The following DCC variants were observed in gnomAD, a reference collection of about 807,000 sequenced individuals.
DCC encodes the protein netrin receptor DCC.
DCC carries 58 observed loss-of-function variants against 172.5 expected under a neutral mutation model. That is an observed-to-expected ratio of 0.34 (90% confidence interval 0.27 to 0.42). The LOEUF (loss-of-function observed/expected upper bound fraction) is 0.42. DCC is among the 10% of genes least tolerant of loss of function. DCC has a pLI of 1.00. For missense variants in DCC, 1,740 were observed against 1,791.0 expected (o/e 0.97, Z 0.51); for synonymous variants, 709 against 644.5 (o/e 1.10, Z -1.52).
chr18:53,473,320 T>C (rs1162005514), intron 25 of DCC, among the ~76,000 whole-genome samples: 1 of 152,220 alleles, frequency 6.6e-6, no homozygotes, highest in East Asian at 1.9e-4. Context: ...TTTTATTGTT[T>C]AATACCTAGC....
chr18:53,222,591 T>G (rs924005478), intron 12 of DCC, among the ~76,000 whole-genome samples: 1 of 151,876 alleles, frequency 6.6e-6, no homozygotes, highest in South Asian at 2.1e-4. Context: ...TTTCACCATA[T>G]TGTCCAGGCT....
intron 1 of DCC, among the ~76,000 whole-genome samples, chr18:52,402,362 T>C (rs1009176023): frequency 2.0e-5 from 3 of 152,106 alleles, no homozygotes; most frequent in African/African-American, 7.2e-5. Flanking sequence ...TGTGTAGACA[T>C]GGGCCTCTAT....
At chr18:52,547,309 A>G (rs1174310664) in intron 1 of DCC, among the ~76,000 whole-genome samples, 2 of 152,172 alleles carry the variant, frequency 1.3e-5, no homozygotes, top group Non-Finnish European at 2.9e-5. Context: ...AAATGTTGTT[A>G]CCTTGCCTTG....
At chr18:53,065,474 T>C (rs2042552540) in intron 6 of DCC, among the ~76,000 whole-genome samples, 1 of 152,132 alleles carries the variant, frequency 6.6e-6, no homozygotes, top group South Asian at 2.1e-4. Flanking sequence ...AAGAACCACA[T>C]GGGTGTAAAA....
chr18:53,457,939 C>T (rs1306684390), intron 23 of DCC, among the ~76,000 whole-genome samples: 1 of 152,054 alleles, frequency 6.6e-6, no homozygotes. Flanking sequence ...CAAATTACAC[C>T]ACCAAATATT....
chr18:53,233,828 G>T (rs2144621207), intron 12 of DCC, among the ~76,000 whole-genome samples: 1 of 152,244 alleles, frequency 6.6e-6, no homozygotes, highest in African/African-American at 2.4e-5. Context: ...AAATGTATTG[G>T]CCAGGCCAGG....
intron 15 of DCC, among the ~76,000 whole-genome samples, chr18:53,381,258 A>G (rs1312874909): frequency 3.4e-5 from 5 of 147,648 alleles, no homozygotes; most frequent in Non-Finnish European, 7.6e-5. Context: ...ATACACCCTG[A>G]AAGACTGAAA....
At chr18:52,552,964 T>C (rs963780644) in intron 1 of DCC, among the ~76,000 whole-genome samples, 12 of 152,102 alleles carry the variant, frequency 7.9e-5, no homozygotes, top group Non-Finnish European at 1.0e-4. Flanking sequence ...AGGAAAATCA[T>C]ATGCAGTTTC....
chr18:52,754,095 G>A (rs2037040075), intron 2 of DCC: 1 of 152,064 alleles, frequency 6.6e-6, no homozygotes, highest in African/African-American at 2.4e-5. Flanking sequence ...ACTTAGTCTA[G>A]TCTCATCTTG....
At chr18:52,861,688 G>A (rs2039144946) in intron 2 of DCC, among the ~76,000 whole-genome samples, 1 of 152,134 alleles carries the variant, frequency 6.6e-6, no homozygotes, top group African/African-American at 2.4e-5. Flanking sequence ...TAAGTCCTAT[G>A]TCAGTTCAGG....
chr18:52,969,267 G>T (rs894696562), intron 5 of DCC, among the ~76,000 whole-genome samples: 1 of 151,914 alleles, frequency 6.6e-6, no homozygotes, highest in African/African-American at 2.4e-5. Flanking sequence ...TTTTCCTCTG[G>T]TTGTCCTATG....
intron 1 of DCC, among the ~76,000 whole-genome samples, chr18:52,570,574 G>C (rs17755344): frequency 0.02 from 3,074 of 152,236 alleles, 109 homozygotes; most frequent in East Asian, 0.096. Context: ...AATTTTTAGG[G>C]AATATCAAAA....
chr18:53,284,324 C>G (rs1200881419), intron 12 of DCC, among the ~76,000 whole-genome samples: 1 of 152,126 alleles, frequency 6.6e-6, no homozygotes, highest in African/African-American at 2.4e-5. Flanking sequence ...AATTGTAACT[C>G]CCACAATCCC....
intron 21 of DCC, among the ~76,000 whole-genome samples, chr18:53,433,179 C>T (rs953728944): frequency 1.3e-5 from 2 of 152,080 alleles, no homozygotes; most frequent in Non-Finnish European, 1.5e-5. Flanking sequence ...CTTTATCTCA[C>T]CCAGCGCTTT....
At chr18:52,659,718 T>C (rs2035320925) in intron 1 of DCC, among the ~76,000 whole-genome samples, 1 of 152,174 alleles carries the variant, frequency 6.6e-6, no homozygotes, top group East Asian at 1.9e-4. Context: ...CTGAACCCAA[T>C]ACATTTTTTG....
chr18:53,063,355 A>G lies in DCC; in HGVS notation c.1036A>G (p.Met346Val). ...TTCCAACCTGTATGCCTATGAAAGC[A>G]TGGATATTGAGTTTGAATGTACAGT... ...HPSNLYAYES[M>V]DIEFECTVSG... Residue 346 changes from methionine (M) to valine (V), a missense_variant, in exon 6 of 29, where the codon ATG (methionine) becomes GTG (valine). This residue lies in a region of DCC where 1,732 missense variants were observed against 1,767.4 expected (regional missense o/e 0.98). Coordinates refer to ENST00000442544, the MANE Select transcript of DCC (RefSeq NM_005215.4). 1 of 1,613,352 alleles carries G rather than the reference A, an allele frequency of 6.2e-7. No homozygotes were observed. Among genetic ancestry groups the G allele is most frequent in the Non-Finnish European group, 8.5e-7 (1 of 1,179,508 alleles).
At chr18:52,539,481 G>A (rs1347575818) in intron 1 of DCC, among the ~76,000 whole-genome samples, 2 of 152,178 alleles carry the variant, frequency 1.3e-5, no homozygotes, top group Non-Finnish European at 2.9e-5. Context: ...CCTCCTCTCA[G>A]ATCAGTGGCA....
intron 26 of DCC, 144 bp from the exon 27 acceptor site, chr18:53,499,154 C>A: frequency 2.5e-6 from 2 of 784,806 alleles, no homozygotes; most frequent in Non-Finnish European, 4.4e-6. Context: ...TGAAGGTAGA[C>A]GAATGACAAT....
At position 52,679,081 on chromosome 18, in the gene DCC, G is replaced by A. The variant is rs369932519; in HGVS notation, c.92-72973G>A. ...TCAGTTGAAATGGTTGGTAGTCTAC[G>A]AGCTTTGAAATATTATTTTTCCACA... On this transcript the variant is annotated intron_variant, in intron 1 of 28. Coordinates refer to ENST00000442544, the MANE Select transcript of DCC (RefSeq NM_005215.4). Among the ~76,000 whole-genome samples, 8 of 152,018 alleles carry A rather than the reference G, an allele frequency of 5.3e-5. No individual in the cohort carries two copies. The East Asian group carries it at 7.7e-4, about 15-fold the overall frequency.
Sources: gnomAD v4.1 joint callset for allele counts (sites outside exome capture counted in the v4.1 genomes callset) on GRCh38, gnomAD v4.1.1 for gene constraint, gnomAD v4.1.1 regional missense constraint, MANE v1.5 for transcripts, NCBI Gene and HGNC (gene_info 2026-07-23, HGNC 2026-07-21) for gene names.